Variants in CSNK1G1 observed in about 807,000 individuals in gnomAD.
The protein encoded by CSNK1G1 is casein kinase 1 gamma 1.
Under a neutral mutation model 59.6 loss-of-function variants are expected in CSNK1G1, and 22 were observed. The ratio of observed to expected loss-of-function variants is 0.37; its 90% CI spans 0.26 to 0.53. The LOEUF (loss-of-function observed/expected upper bound fraction) is 0.53, where lower values mean the gene tolerates loss of function less well. CSNK1G1 is among the 20% of genes least tolerant of loss of function. The probability of loss-of-function intolerance (pLI) is 0.89; values close to 1 mark genes in which losing one functional copy is unlikely to be tolerated. For missense variants in CSNK1G1, 384 were observed against 519.5 expected (o/e 0.74, Z 2.54); for synonymous variants, 179 against 177.1 (o/e 1.01, Z -0.08).
At position 64,300,813 on chromosome 15, in the gene CSNK1G1, A is replaced by T. The variant is rs116616482; in HGVS notation, c.-224-90T>A. On this transcript the variant is annotated intron_variant, in intron 1 of 11. Coordinates refer to ENST00000303052, the MANE Select transcript of CSNK1G1 (RefSeq NM_022048.5). Reference sequence around the variant, plus strand: ...TACCAATTAGAATGAATCCTATCCAAAGGTGAGCAAAATGCATAGCTTCTG... The same window carrying T: ...TACCAATTAGAATGAATCCTATCCATAGGTGAGCAAAATGCATAGCTTCTG... 351 of 761,362 alleles carry T rather than the reference A, an allele frequency of 4.6e-4. 2 individuals carry two copies. The African/African-American group carries it at 5.9e-3, about 13-fold the overall frequency. 47.2% of individuals were successfully genotyped at this position (761,362 alleles called of 1,614,324 possible). A position where few individuals can be genotyped will look rare whatever the true frequency, so the allele number is the denominator to read the frequency against.
At chr15:64,321,175 T>C (rs1020011499) in intron 1 of CSNK1G1, among the ~76,000 whole-genome samples, 1 of 151,762 alleles carries the variant, frequency 6.6e-6, no homozygotes, top group African/African-American at 2.4e-5. Context: ...CAATTTAATG[T>C]ATTATTTAAG....
intron 4 of CSNK1G1, among the ~76,000 whole-genome samples, chr15:64,246,300 G>C (rs779759119): frequency 1.3e-5 from 2 of 152,032 alleles, no homozygotes; most frequent in Non-Finnish European, 2.9e-5. Flanking sequence ...ATTTTGTTTT[G>C]ACTACTGCAT....
Position 64,343,208 on chromosome 15 carries a change from A to AAC in CSNK1G1, c.-225+12778_-225+12779dup, listed in dbSNP as rs3057760. On this transcript the variant is annotated intron_variant, in intron 1 of 11. Coordinates refer to ENST00000303052, the MANE Select transcript of CSNK1G1 (RefSeq NM_022048.5). ...GCCAGGGCAACAAGAGCAAAACTCCAACACACACACACACACACACACACA... is the reference window on the plus strand; with the variant it reads ...GCCAGGGCAACAAGAGCAAAACTCCAACACACACACACACACACACACACACA... Among the ~76,000 whole-genome samples, 227 of 110,008 alleles carry AAC rather than the reference A, an allele frequency of 2.1e-3. 4 individuals are homozygous for AAC. Among genetic ancestry groups the AAC allele is most frequent in the South Asian group, 0.017 (61 of 3,612 alleles). 72.2% of individuals were successfully genotyped at this position (110,008 alleles called of 152,430 possible). A position where few individuals can be genotyped will look rare whatever the true frequency, so the allele number is the denominator to read the frequency against.
At position 64,181,139 on chromosome 15, in the gene CSNK1G1, G is replaced by C. The variant is rs958217568; in HGVS notation, c.1108-685C>G. 1.5e-5 allele frequency: 22 copies of C among 1,468,858 alleles called. No homozygotes were observed. The South Asian group carries it at 1.8e-4, about 12-fold the overall frequency. The allele number at this position is 1,468,858 out of a possible 1,614,324, so 91.0% of individuals were successfully genotyped here. On this transcript the variant is annotated intron_variant, in intron 10 of 11. Transcript: ENST00000303052. ...AAGATTGTCACATCCTCTCCGACAAGAGGGAAGATGGTAAAAAAACACTCT... is the reference window on the plus strand; with the variant it reads ...AAGATTGTCACATCCTCTCCGACAACAGGGAAGATGGTAAAAAAACACTCT...
chr15:64,197,982 C>T (rs1020326185), intron 10 of CSNK1G1, among the ~76,000 whole-genome samples: 2 of 151,908 alleles, frequency 1.3e-5, no homozygotes, highest in African/African-American at 2.4e-5. Context: ...TTTAATTCTG[C>T]TAAAAGCATG....
chr15:64,307,828 A>G (rs1468750725), intron 1 of CSNK1G1, among the ~76,000 whole-genome samples: 1 of 152,132 alleles, frequency 6.6e-6, no homozygotes, highest in African/African-American at 2.4e-5. Flanking sequence ...CTGGGACTAC[A>G]GGTGCCCACC....
At chr15:64,347,285 C>T (rs1292647000) in intron 1 of CSNK1G1, among the ~76,000 whole-genome samples, 3 of 152,156 alleles carry the variant, frequency 2.0e-5, no homozygotes, top group African/African-American at 7.2e-5. Flanking sequence ...CCAGCAATCA[C>T]ACTCCTGGGT....
chr15:64,353,579 G>C (rs1006951702), intron 1 of CSNK1G1, among the ~76,000 whole-genome samples: 4 of 151,092 alleles, frequency 2.6e-5, no homozygotes, highest in African/African-American at 4.9e-5. Context: ...CCTGGGAGGT[G>C]GAGGTTTCAG....
At chr15:64,174,773 T>G (rs1596046085) in intron 11 of CSNK1G1, among the ~76,000 whole-genome samples, 2 of 152,302 alleles carry the variant, frequency 1.3e-5, no homozygotes, top group East Asian at 3.9e-4. Flanking sequence ...CTTGCTATGT[T>G]CCTTTTCTCT....
chr15:64,326,035 T>C (rs2140448133), intron 1 of CSNK1G1, among the ~76,000 whole-genome samples: 1 of 152,242 alleles, frequency 6.6e-6, no homozygotes, highest in Middle Eastern at 3.4e-3. Flanking sequence ...CAAAAAGAAA[T>C]AGTTTTGGAA....
intron 1 of CSNK1G1, among the ~76,000 whole-genome samples, chr15:64,341,993 G>C (rs1476156076): frequency 6.6e-6 from 1 of 152,114 alleles, no homozygotes; most frequent in Non-Finnish European, 1.5e-5. Context: ...TATTCCTCAT[G>C]GTCACTTTTA....
At chr15:64,268,639 T>C (rs1400746854) in intron 2 of CSNK1G1, among the ~76,000 whole-genome samples, 2 of 152,158 alleles carry the variant, frequency 1.3e-5, no homozygotes, top group Non-Finnish European at 1.5e-5. Context: ...GAACACACAG[T>C]ATTTCATTTT....
Position 64,170,071 on chromosome 15 carries a change from T to C in CSNK1G1, c.*1860A>G, listed in dbSNP as rs1468135870. 2 of 152,266 alleles carry C rather than the reference T, an allele frequency of 1.3e-5. No individual in the cohort carries two copies. Among genetic ancestry groups the C allele is most frequent in the Non-Finnish European group, 2.9e-5 (2 of 68,082 alleles). 9.4% of individuals were successfully genotyped at this position (152,266 alleles called of 1,614,324 possible). ...GTCACCCACCAGCCACTGTGCTCCA[T>C]GGTTAGCTCTCTACTCCCAGATACA... On this transcript the variant is annotated 3_prime_UTR_variant, in exon 12 of 12. Coordinates refer to ENST00000303052, the MANE Select transcript of CSNK1G1 (RefSeq NM_022048.5).
intron 2 of CSNK1G1, among the ~76,000 whole-genome samples, chr15:64,295,058 CA>C (rs537714145): frequency 3.9e-5 from 6 of 152,186 alleles, no homozygotes; most frequent in African/African-American, 1.4e-4. Flanking sequence ...GGTGAAACCC[CA>C]TCTCTAGTTT....
Position 64,203,167 on chromosome 15 carries a change from T to G in CSNK1G1, c.1022A>C (p.His341Pro), listed in dbSNP as rs780995284. The change falls in exon 10 of 12, where the codon CAC becomes CCC. Residue 341 changes from histidine to proline, a missense_variant. Around this residue, in one of 3 missense-constraint regions of CSNK1G1, gnomAD observed 325 missense variants for 440.9 expected, o/e 0.74. Transcript: ENST00000303052. ...TATTGCAGATGCACCAGAATCTACG[T>G]GAACTGACCCTACTGGAGTAGGCTA... ...RPIPTPVGSV[H>P]VDSGASAITR... The G allele has an allele frequency of 6.2e-7, 1 of 1,613,826 alleles. No individual in the cohort carries two copies. The highest frequency in any genetic ancestry group is 1.1e-5 in the South Asian group (1 of 91,066).
In CSNK1G1 at chr15:64,229,902, ATTTTTTTTTTTTTTTTTTTTT is replaced by A. The variant is rs533868270; in HGVS notation, c.293-13210_293-13190del. On this transcript the variant is annotated intron_variant, in intron 4 of 11. Transcript: ENST00000303052. ...CCTATATTTTTGGGCATGTTTGTAAATTTTTTTTTTTTTTTTTTTTTTTTTTTTTTTTTTTTTAAGACAGAA... is the reference window on the plus strand; with the variant it reads ...CCTATATTTTTGGGCATGTTTGTAAATTTTTTTTTTTTTTTTAAGACAGAA... Among the ~76,000 whole-genome samples the A allele has an allele frequency of 5.3e-4, 23 of 43,806 alleles. 1 individual carries two copies. The highest frequency in any genetic ancestry group is 2.1e-3 in the East Asian group (2 of 934). 28.7% of individuals were successfully genotyped at this position (43,806 alleles called of 152,430 possible).
At chr15:64,226,580 A>AAACAAACAAACAAACC (rs1182816353) in intron 4 of CSNK1G1, among the ~76,000 whole-genome samples, 1 of 151,156 alleles carries the variant, frequency 6.6e-6, no homozygotes, top group Admixed American at 6.6e-5. Flanking sequence ...ACAAACAAAC[A>AAACAAACAAACAAACC]AACCAAAAAA....
chr15:64,220,155 C>T (rs1346076109), intron 4 of CSNK1G1, among the ~76,000 whole-genome samples: 2 of 150,720 alleles, frequency 1.3e-5, no homozygotes, highest in Admixed American at 6.6e-5. Context: ...AATGCAGTGG[C>T]GTGGTCTCAG....
chr15:64,304,063 C>T (rs144945070), intron 1 of CSNK1G1, among the ~76,000 whole-genome samples: 89 of 152,156 alleles, frequency 5.8e-4, no homozygotes, highest in African/African-American at 2.0e-3. Flanking sequence ...CTAATCTATG[C>T]ATGGGACATA....
Sources: allele counts gnomAD v4.1 joint callset (sites outside exome capture counted in the v4.1 genomes callset), GRCh38; gene constraint gnomAD v4.1.1; regional missense constraint gnomAD v4.1.1; transcripts MANE v1.5; gene names NCBI Gene and HGNC (gene_info 2026-07-23, HGNC 2026-07-21).